The following PLCB1 variants were observed in gnomAD, a reference collection of about 807,000 sequenced individuals.
PLCB1 encodes the protein phospholipase C beta 1, also known as 1-phosphatidylinositol 4,5-bisphosphate phosphodiesterase beta-1.
Under a neutral mutation model 161.8 loss-of-function variants are expected in PLCB1, and 46 were observed. That is an observed-to-expected ratio of 0.28 (90% CI 0.22 to 0.36). The LOEUF is 0.36. PLCB1 is among the 10% of genes least tolerant of loss of function. The pLI is 1.00. For synonymous variants in PLCB1, 517 were observed against 503.7 expected (o/e 1.03, Z -0.35); for missense variants, 1,016 against 1,472.5 (o/e 0.69, Z 5.07).
At chr20:8,217,984 C>A (rs970799165) in intron 2 of PLCB1, among the ~76,000 whole-genome samples, 12 of 152,054 alleles carry the variant, frequency 7.9e-5, no homozygotes, top group African/African-American at 2.7e-4. Flanking sequence ...CTATAAGAAA[C>A]AAAACTCTGT....
intron 25 of PLCB1, 31 bp from the exon 26 acceptor site, chr20:8,765,108 T>C (rs1219436997): frequency 4.5e-6 from 7 of 1,562,454 alleles, no homozygotes; most frequent in Non-Finnish European, 6.1e-6. Context: ...AGCCCTCCCA[T>C]TCCCTTAGCT....
intron 2 of PLCB1, among the ~76,000 whole-genome samples, chr20:8,356,570 T>TA (rs975005659): frequency 2.2e-4 from 34 of 151,532 alleles, no homozygotes; most frequent in Admixed American, 1.1e-3. Flanking sequence ...CTTTTATGTT[T>TA]AAAAAAAAAT....
At position 8,683,337 on chromosome 20, in the gene PLCB1, C is replaced by A. The variant is rs553183887; in HGVS notation, c.863-1595C>A. Among the ~76,000 whole-genome samples the A allele has an allele frequency of 3.3e-5, 5 of 151,804 alleles. 1 individual carries two copies. Among genetic ancestry groups the A allele is most frequent in the East Asian group, 1.9e-4 (1 of 5,176 alleles). ...TTTTTTCTCTCTGTTTATCTCATTT[C>A]CCAATTTTTCTTTAATGAACATATT... On this transcript the variant is annotated intron_variant, in intron 9 of 31. Transcript: ENST00000338037.
chr20:8,673,564 C>G (rs751964938), intron 9 of PLCB1, among the ~76,000 whole-genome samples: 12 of 152,182 alleles, frequency 7.9e-5, no homozygotes, highest in Non-Finnish European at 1.8e-4. Context: ...TAGTCAGTGC[C>G]AGCGAGGCCT....
chr20:8,575,277 T>G (rs1158872670), intron 3 of PLCB1, among the ~76,000 whole-genome samples: 1 of 152,208 alleles, frequency 6.6e-6, no homozygotes, highest in Non-Finnish European at 1.5e-5. Context: ...GCATTTCAAA[T>G]GGAAACTTCT....
At chr20:8,673,167 T>C (rs1275958753) in intron 9 of PLCB1, among the ~76,000 whole-genome samples, 3 of 151,810 alleles carry the variant, frequency 2.0e-5, no homozygotes, top group Non-Finnish European at 4.4e-5. Context: ...GTCACATTCA[T>C]GAACTCAGTG....
At chr20:8,824,763 A>G (rs369391580) in intron 31 of PLCB1, among the ~76,000 whole-genome samples, 4 of 152,332 alleles carry the variant, frequency 2.6e-5, no homozygotes, top group African/African-American at 9.6e-5. Flanking sequence ...ATAATAATGC[A>G]TGCATCACTG....
At chr20:8,390,817 G>A (rs975859754) in intron 3 of PLCB1, among the ~76,000 whole-genome samples, 2 of 151,988 alleles carry the variant, frequency 1.3e-5, no homozygotes, top group Admixed American at 6.6e-5. Flanking sequence ...TCTTGGGTCA[G>A]AAAGCCAAGC....
intron 3 of PLCB1, among the ~76,000 whole-genome samples, chr20:8,463,154 TG>T (rs1981660184): frequency 6.6e-6 from 1 of 150,648 alleles, no homozygotes; most frequent in South Asian, 2.1e-4. Context: ...GCAGTGTGTG[TG>T]TGTGTGTGTG....
Position 8,233,853 on chromosome 20 carries a change from GTCCACATTT to G in PLCB1, c.177+83484_177+83492del, listed in dbSNP as rs780313604. Among the ~76,000 whole-genome samples, 60 of 152,194 alleles carry G rather than the reference GTCCACATTT, an allele frequency of 3.9e-4. No individual in the cohort carries two copies. In the Middle Eastern group the frequency reaches 0.01, roughly 26 times the overall value. ...ACAAACTCATCTACTCTTTTTGTGT[GTCCACATTT>G]TTTCACTCAACGTGGTGTTTGTAAA... On this transcript the variant is annotated intron_variant, in intron 2 of 31. Transcript: ENST00000338037.
chr20:8,723,346 A>G (rs75585914), intron 15 of PLCB1, among the ~76,000 whole-genome samples: 2,204 of 152,252 alleles, frequency 0.014, 60 homozygotes, highest in African/African-American at 0.05. Flanking sequence ...TACTAATTGG[A>G]TAGTCCATTT....
At chr20:8,510,505 C>G (rs1299847704) in intron 3 of PLCB1, among the ~76,000 whole-genome samples, 4 of 151,876 alleles carry the variant, frequency 2.6e-5, no homozygotes, top group Non-Finnish European at 5.9e-5. Flanking sequence ...CCTGCCTCAG[C>G]CTCCCAAGAA....
At chr20:8,726,336 T>A (rs544796748) in intron 16 of PLCB1, among the ~76,000 whole-genome samples, 2 of 152,164 alleles carry the variant, frequency 1.3e-5, no homozygotes, top group South Asian at 4.1e-4. Context: ...ACTTTCAAAA[T>A]GTTTCTCTTG....
chr20:8,428,530 G>T (rs748957777), intron 3 of PLCB1, among the ~76,000 whole-genome samples: 1 of 152,144 alleles, frequency 6.6e-6, no homozygotes, highest in Non-Finnish European at 1.5e-5. Context: ...CAACTGTAAG[G>T]GTTTTTATAG....
intron 2 of PLCB1, among the ~76,000 whole-genome samples, chr20:8,242,060 A>T (rs1324172033): frequency 1.3e-5 from 2 of 151,958 alleles, no homozygotes; most frequent in African/African-American, 2.4e-5. Flanking sequence ...CATGATAAAC[A>T]GCCAGATATT....
chr20:8,658,807 T>C, intron 9 of PLCB1, 103 bp downstream of exon 9: 1 of 931,500 alleles, frequency 1.1e-6, no homozygotes, highest in Non-Finnish European at 1.6e-6. Context: ...TAGTTTCCTC[T>C]GTTTACAAGG....
chr20:8,799,633 G>A (rs887340498), intron 31 of PLCB1, among the ~76,000 whole-genome samples: 1 of 152,104 alleles, frequency 6.6e-6, no homozygotes, highest in Non-Finnish European at 1.5e-5. Flanking sequence ...GAAACCAATA[G>A]CTGATTTAAC....
At chr20:8,512,202 T>C (rs1378585040) in intron 3 of PLCB1, among the ~76,000 whole-genome samples, 1 of 152,182 alleles carries the variant, frequency 6.6e-6, no homozygotes, top group Non-Finnish European at 1.5e-5. Context: ...AAGTGCACAG[T>C]CATCACTTTT....
intron 26 of PLCB1, among the ~76,000 whole-genome samples, chr20:8,774,263 A>T (rs1600315943): frequency 1.4e-5 from 2 of 146,308 alleles, no homozygotes; most frequent in Non-Finnish European, 3.0e-5. Flanking sequence ...GGAGATTATT[A>T]TTCTCACCAC....
Sources: gnomAD v4.1 joint callset for allele counts (sites outside exome capture counted in the v4.1 genomes callset) on GRCh38, gnomAD v4.1.1 for gene constraint, MANE v1.5 for transcripts, NCBI Gene and HGNC (gene_info 2026-07-23, HGNC 2026-07-21) for gene names.